The following ART3 variants were observed in gnomAD, a reference collection of about 807,000 sequenced individuals.
ART3 encodes ecto-ADP-ribosyltransferase 3.
ART3 carries 49 observed loss-of-function variants against 48.5 expected under a neutral mutation model. The ratio of observed to expected loss-of-function variants is 1.01; its 90% CI spans 0.80 to 1.28. The LOEUF is 1.28. ART3 is among the 50% of genes most tolerant of loss of function. ART3 has a pLI of 0.00. For synonymous variants in ART3, 145 were observed against 157.2 expected, an observed-to-expected ratio of 0.92 and a Z score of 0.58; for missense variants, 438 against 454.3, an observed-to-expected ratio of 0.96 and a Z score of 0.33.
rs776967969 is a variant in ART3, at chr4:76,105,519, T to C, written c.1003+890T>C. The C allele has an allele frequency of 1.0e-5, 13 of 1,288,970 alleles. No homozygotes were observed. The South Asian group carries it at 1.5e-4, about 15-fold the overall frequency. 79.8% of individuals were successfully genotyped at this position (1,288,970 alleles called of 1,614,324 possible). On this transcript the variant is annotated intron_variant, in intron 10 of 11. Transcript: ENST00000355810. ...ATTATCTGAAAACCTCTTTCTTGTT[T>C]AGGAATAAAAATGATACAACTGAAT...
At chr4:76,086,064 C>CCG (rs1444034916) in intron 3 of ART3, among the ~76,000 whole-genome samples, 18 of 147,726 alleles carry the variant, frequency 1.2e-4, no homozygotes, top group African/African-American at 3.7e-4. Context: ...AAGAGTCCCC[C>CCG]CCCCCGCTCC....
At chr4:76,050,321 C>CAGGTTTACAA in intron 1 of ART3, among the ~76,000 whole-genome samples, 1 of 152,234 alleles carries the variant, frequency 6.6e-6, no homozygotes. Flanking sequence ...GGTTTACAAT[C>CAGGTTTACAA]CCTGAGCTAG....
At chr4:76,052,829 A>G (rs1013619070) in intron 1 of ART3, among the ~76,000 whole-genome samples, 32 of 151,710 alleles carry the variant, frequency 2.1e-4, no homozygotes, top group African/African-American at 6.5e-4. Context: ...AACAGATTCA[A>G]GCAATTCTCG....
chr4:76,082,765 A>C (rs1722752581), intron 3 of ART3, among the ~76,000 whole-genome samples: 1 of 152,240 alleles, frequency 6.6e-6, no homozygotes, highest in South Asian at 2.1e-4. Flanking sequence ...GTTCTTAACC[A>C]AAGGCAGTTT....
At chr4:76,018,892 T>A (rs1247311315) in intron 1 of ART3, among the ~76,000 whole-genome samples, 1 of 151,586 alleles carries the variant, frequency 6.6e-6, no homozygotes, top group Non-Finnish European at 1.5e-5. Flanking sequence ...CCAAAAAAAA[T>A]TTAGCTGGCG....
At chr4:76,069,118 C>T (rs1367809735) in intron 1 of ART3, among the ~76,000 whole-genome samples, 1 of 148,272 alleles carries the variant, frequency 6.7e-6, no homozygotes, top group East Asian at 1.9e-4. Context: ...ACATGTCATG[C>T]TGGGAAAGGC....
At chr4:76,026,373 A>G (rs1376679288) in intron 1 of ART3, among the ~76,000 whole-genome samples, 1 of 152,128 alleles carries the variant, frequency 6.6e-6, no homozygotes, top group Non-Finnish European at 1.5e-5. Flanking sequence ...TAAAATGCAT[A>G]TGAGAGGCAT....
chr4:76,088,190 A>C (rs961973713), intron 3 of ART3, among the ~76,000 whole-genome samples: 1 of 152,044 alleles, frequency 6.6e-6, no homozygotes, highest in Non-Finnish European at 1.5e-5. Flanking sequence ...TACTAGGTTT[A>C]TAGGAAGAAA....
At chr4:76,022,030 T>G (rs927972076) in intron 1 of ART3, 1 of 1,277,850 alleles carries the variant, frequency 7.8e-7, no homozygotes, top group Non-Finnish European at 1.1e-6. Context: ...AGTACCGAGT[T>G]CATAGAATAG....
intron 10 of ART3, chr4:76,105,856 C>G: frequency 1.0e-6 from 1 of 985,376 alleles, no homozygotes; most frequent in Non-Finnish European, 1.2e-6. Flanking sequence ...GTGAAGGAAT[C>G]TGTAGACATA....
At chr4:76,106,311 A>G (rs1458172471) in intron 10 of ART3, 1 of 985,306 alleles carries the variant, frequency 1.0e-6, no homozygotes, top group African/African-American at 1.7e-5. Flanking sequence ...TTTCTATGCT[A>G]GGCACACACT....
chr4:76,100,647 AAT>A, intron 6 of ART3, 146 bp from the exon 7 acceptor site: 1 of 958,354 alleles, frequency 1.0e-6, no homozygotes, highest in Non-Finnish European at 1.6e-6. Context: ...AAAAAAAAAA[AAT>A]TCTGGGGGCT....
chr4:76,060,655 C>G (rs577612262), intron 1 of ART3, among the ~76,000 whole-genome samples: 1 of 152,182 alleles, frequency 6.6e-6, no homozygotes, highest in East Asian at 1.9e-4. Flanking sequence ...TTGGGTGGAC[C>G]CACTGTAATA....
chr4:76,056,188 G>A (rs1014746170), intron 1 of ART3, among the ~76,000 whole-genome samples: 1 of 152,164 alleles, frequency 6.6e-6, no homozygotes, highest in African/African-American at 2.4e-5. Flanking sequence ...ATTTCTCAGA[G>A]TCCCAGTAAC....
intron 1 of ART3, among the ~76,000 whole-genome samples, chr4:76,012,771 A>G (rs976478996): frequency 9.2e-5 from 14 of 152,230 alleles, no homozygotes; most frequent in Non-Finnish European, 4.4e-5. Flanking sequence ...GTCTGAGGAT[A>G]TGTAACAATA....
rs1301933099 is a variant in ART3, at chr4:76,112,424, C to T, written c.1075C>T (p.Pro359Ser). 7 of 1,614,032 alleles carry T rather than the reference C, an allele frequency of 4.3e-6. No individual in the cohort carries two copies. The highest frequency in any genetic ancestry group is 5.9e-6 in the Non-Finnish European group (7 of 1,179,966). The stretch of plus-strand genomic sequence containing the variant: ...TCCTGTTCCAGGTCCCAAAAGCCAT[C>T]CTTCTGCATCCTCGGGCAAACTGCT... Reference protein sequence around the residue: ...PVPVPGPKSHPSASSGKLLLP... With the variant: ...PVPVPGPKSHSSASSGKLLLP... Residue 359 changes from proline to serine, a missense_variant, in exon 12 of 12, where the codon CCT becomes TCT. Pro to Ser is a moderately conservative substitution (Grantham distance 74). Coordinates refer to ENST00000355810, the MANE Select transcript of ART3 (RefSeq NM_001130016.3).
intron 1 of ART3, among the ~76,000 whole-genome samples, chr4:76,051,114 A>G (rs56794773): frequency 0.095 from 14,426 of 152,104 alleles, 779 homozygotes; most frequent in African/African-American, 0.2. Context: ...ACAGTGCAGC[A>G]GTGGGCTGAA....
chr4:76,053,318 C>T (rs916066875), intron 1 of ART3, among the ~76,000 whole-genome samples: 1 of 152,104 alleles, frequency 6.6e-6, no homozygotes, highest in East Asian at 1.9e-4. Flanking sequence ...TTAACTACAG[C>T]TCTCTCATTT....
intron 3 of ART3, among the ~76,000 whole-genome samples, chr4:76,096,949 G>A (rs1726143395): frequency 6.6e-6 from 1 of 152,198 alleles, no homozygotes; most frequent in South Asian, 2.1e-4. Flanking sequence ...AGAGGGATAG[G>A]TTTGCTGTTG....
Sources: gnomAD v4.1 joint callset for allele counts (sites outside exome capture counted in the v4.1 genomes callset) on GRCh38, gnomAD v4.1.1 for gene constraint, MANE v1.5 for transcripts, NCBI Gene and HGNC (gene_info 2026-07-23, HGNC 2026-07-21) for gene names.